SSH2: variants seen among roughly 807,000 people sequenced by gnomAD.
SSH2 encodes the protein protein phosphatase Slingshot homolog 2.
Under a neutral mutation model 135.2 loss-of-function variants are expected in SSH2, and 37 were observed. The ratio of observed to expected loss-of-function variants is 0.27; its 90% CI spans 0.21 to 0.36. The LOEUF (loss-of-function observed/expected upper bound fraction) is 0.36, where lower values mean the gene tolerates loss of function less well. Ranked by LOEUF, SSH2 falls within the 10% of genes least tolerant of loss-of-function variation. The pLI, the probability that SSH2 is intolerant of heterozygous loss-of-function variation, is 1.00. For missense variants in SSH2, 1,408 were observed against 1,765.3 expected (o/e 0.80, Z 3.63); for synonymous variants, 628 against 646.2 (o/e 0.97, Z 0.43).
intron 4 of SSH2, among the ~76,000 whole-genome samples, chr17:29,700,861 C>T (rs529497585): frequency 3.8e-4 from 58 of 152,332 alleles, no homozygotes; most frequent in Non-Finnish European, 7.1e-4. Context: ...GCAATCTCAG[C>T]TCACTGCAAC....
At chr17:29,658,802 G>C (rs1225583978) in intron 11 of SSH2, among the ~76,000 whole-genome samples, 1 of 150,242 alleles carries the variant, frequency 6.7e-6, no homozygotes, top group Admixed American at 6.7e-5. Flanking sequence ...GGGAGGTGGA[G>C]GTTGTGGTGA....
chr17:29,745,975 G>A (rs915201644), intron 3 of SSH2, among the ~76,000 whole-genome samples: 1 of 152,148 alleles, frequency 6.6e-6, no homozygotes, highest in African/African-American at 2.4e-5. Flanking sequence ...CTGAATATGT[G>A]ACCCAATAAA....
chr17:29,704,859 C>T (rs1480973760), intron 3 of SSH2, among the ~76,000 whole-genome samples: 1 of 152,080 alleles, frequency 6.6e-6, no homozygotes, highest in Non-Finnish European at 1.5e-5. Flanking sequence ...CAGAACTTAA[C>T]TCACAAATAG....
intron 3 of SSH2, among the ~76,000 whole-genome samples, chr17:29,792,143 T>C (rs1375397081): frequency 6.6e-6 from 1 of 152,056 alleles, no homozygotes; most frequent in Admixed American, 6.6e-5. Context: ...GCCAGGCTGT[T>C]CTCAGACTCT....
At chr17:29,840,263 C>G (rs2043016477) in intron 2 of SSH2, among the ~76,000 whole-genome samples, 1 of 152,130 alleles carries the variant, frequency 6.6e-6, no homozygotes. Flanking sequence ...TTTCTGCCTA[C>G]AAATTGTTTC....
intron 1 of SSH2, among the ~76,000 whole-genome samples, chr17:29,905,031 G>A (rs62070264): frequency 0.4 from 60,661 of 151,970 alleles, 14,608 homozygotes; most frequent in East Asian, 0.69. Context: ...ATTCCATGCT[G>A]ATAGGAAGAA....
chr17:29,712,129 G>A (rs2039455441), intron 3 of SSH2, among the ~76,000 whole-genome samples: 1 of 152,180 alleles, frequency 6.6e-6, no homozygotes, highest in Admixed American at 6.5e-5. Flanking sequence ...CCAGGTCATA[G>A]GCAGATACAA....
chr17:29,716,524 C>T (rs1336132095), intron 3 of SSH2: 4 of 720,848 alleles, frequency 5.5e-6, no homozygotes, highest in Non-Finnish European at 7.6e-6. Flanking sequence ...CATGGTAACA[C>T]TTGTGGGGCA....
At position 29,866,241 on chromosome 17, in the gene SSH2, T is replaced by A. The variant is rs115071924; in HGVS notation, c.64-17312A>T. On this transcript the variant is annotated intron_variant, in intron 1 of 15. Transcript: ENST00000540801. ...TCATTTAGAAATTTATGTGTAGATATTGAATTATGTTTTCTCACAGAAACA... is the reference window on the plus strand; with the variant it reads ...TCATTTAGAAATTTATGTGTAGATAATGAATTATGTTTTCTCACAGAAACA... 3.5e-3 allele frequency: 526 copies of A among 152,296 alleles called. 4 individuals are homozygous for A. The highest frequency in any genetic ancestry group is 0.012 in the African/African-American group (507 of 41,542). The allele number at this position is 152,296 out of a possible 1,614,324, so 9.4% of individuals were successfully genotyped here.
chr17:29,812,833 G>A (rs921208086), intron 2 of SSH2, among the ~76,000 whole-genome samples: 1 of 151,794 alleles, frequency 6.6e-6, no homozygotes, highest in African/African-American at 2.4e-5. Flanking sequence ...AGCTTGCAGT[G>A]AGCCGGGATC....
intron 12 of SSH2, among the ~76,000 whole-genome samples, chr17:29,653,189 T>A (rs2036645964): frequency 6.6e-6 from 1 of 152,188 alleles, no homozygotes; most frequent in Admixed American, 6.5e-5. Flanking sequence ...GGTTCTGAAG[T>A]CAGCAGATTG....
intron 1 of SSH2, among the ~76,000 whole-genome samples, chr17:29,900,366 T>A (rs1415347342): frequency 6.6e-6 from 1 of 151,690 alleles, no homozygotes; most frequent in Non-Finnish European, 1.5e-5. Flanking sequence ...TGGGAGAAAA[T>A]TTTTGCAATC....
intron 3 of SSH2, among the ~76,000 whole-genome samples, chr17:29,770,105 T>TG (rs1567963137): frequency 5.1e-4 from 76 of 148,092 alleles, no homozygotes; most frequent in East Asian, 9.7e-4. Context: ...TTTTTTTTTT[T>TG]TTTTTTTTTT....
chr17:29,819,150 G>A (rs560757693), intron 2 of SSH2, among the ~76,000 whole-genome samples: 121 of 151,954 alleles, frequency 8.0e-4, no homozygotes, highest in South Asian at 4.2e-4. Flanking sequence ...CACTTGAACC[G>A]GGGAGGTGGA....
intron 3 of SSH2, among the ~76,000 whole-genome samples, chr17:29,759,934 G>A (rs931612745): frequency 2.0e-5 from 3 of 152,106 alleles, no homozygotes; most frequent in Admixed American, 6.5e-5. Flanking sequence ...CTCTATGACC[G>A]TTCCCGTTTT....
At chr17:29,924,398 T>C (rs534630127) in intron 1 of SSH2, among the ~76,000 whole-genome samples, 1 of 152,356 alleles carries the variant, frequency 6.6e-6, no homozygotes, top group Non-Finnish European at 1.5e-5. Flanking sequence ...ACGTGCATCT[T>C]AAATGTCAAA....
chr17:29,814,892 T>C (rs1001424493), intron 2 of SSH2, among the ~76,000 whole-genome samples: 5 of 151,790 alleles, frequency 3.3e-5, no homozygotes, highest in Non-Finnish European at 7.4e-5. Flanking sequence ...ACATATATTA[T>C]AATGGGAAAG....
chr17:29,904,877 C>A (rs531700816), intron 1 of SSH2, among the ~76,000 whole-genome samples: 1 of 152,130 alleles, frequency 6.6e-6, no homozygotes, highest in East Asian at 1.9e-4. Flanking sequence ...AGGGACAAAT[C>A]ATGAATGAAC....
At chr17:29,850,767 C>T (rs1283734372) in intron 1 of SSH2, among the ~76,000 whole-genome samples, 1 of 152,066 alleles carries the variant, frequency 6.6e-6, no homozygotes, top group Non-Finnish European at 1.5e-5. Context: ...GGGTGGATCA[C>T]GAGGTCAGGA....
Sources: gnomAD v4.1 joint callset for allele counts (sites outside exome capture counted in the v4.1 genomes callset) on GRCh38, gnomAD v4.1.1 for gene constraint, MANE v1.5 for transcripts, NCBI Gene and HGNC (gene_info 2026-07-23, HGNC 2026-07-21) for gene names.